The following LAMB4 variants were observed in gnomAD, a reference collection of about 807,000 sequenced individuals.
The protein encoded by LAMB4 is laminin subunit beta-4.
In LAMB4, 196 loss-of-function variants were observed where a neutral mutation model predicts 199.2. That is an observed-to-expected ratio of 0.98 (90% confidence interval 0.88 to 1.11). The LOEUF (loss-of-function observed/expected upper bound fraction) is 1.11. LAMB4 is among the 50% of genes least tolerant of loss of function. The pLI is 0.00. For missense variants in LAMB4, 2,080 were observed against 2,171.2 expected, an observed-to-expected ratio of 0.96 and a Z score of 0.83; for synonymous variants, 744 against 770.6, an observed-to-expected ratio of 0.97 and a Z score of 0.57.
chr7:108,031,034 A>T, intron 31 of LAMB4, 55 bp from the exon 32 acceptor site: 1 of 1,526,982 alleles, frequency 6.5e-7, no homozygotes, highest in Non-Finnish European at 9.0e-7. Flanking sequence ...ACAAACAAGA[A>T]GATAAACGAT....
chr7:108,107,856 A>G, intron 5 of LAMB4, 37 bp from the exon 6 acceptor site: 2 of 1,433,430 alleles, frequency 1.4e-6, no homozygotes, highest in Non-Finnish European at 1.9e-6. Context: ...CATTTCACAA[A>G]GGCAGATTTT....
intron 11 of LAMB4, among the ~76,000 whole-genome samples, chr7:108,097,841 AC>A (rs1268644868): frequency 1.3e-5 from 2 of 152,354 alleles, no homozygotes; most frequent in Admixed American, 6.5e-5. Flanking sequence ...AACCAAAAAA[AC>A]TTTTGCAACT....
At position 108,052,266 on chromosome 7, in the gene LAMB4, G is replaced by T; in HGVS notation, c.3756-9C>A. On this transcript the variant is annotated splice_polypyrimidine_tract_variant and intron_variant, in intron 25 of 33. Transcript: ENST00000388781. ...GCTGCATGATTTGTCTTCTATAGAG[G>T]AAATAAGGGTAAATGTAGTTAAGCT... 1 of 1,563,534 alleles carries T rather than the reference G, an allele frequency of 6.4e-7. No individual in the cohort carries two copies. The highest frequency in any genetic ancestry group is 8.7e-7 in the Non-Finnish European group (1 of 1,151,696).
chr7:108,123,503 A>G (rs1263566218), intron 1 of LAMB4, among the ~76,000 whole-genome samples: 2 of 152,208 alleles, frequency 1.3e-5, no homozygotes, highest in Non-Finnish European at 2.9e-5. Context: ...TTATTTAGAA[A>G]CTTTTTCTTC....
chr7:108,056,240 C>T (rs897592565), intron 24 of LAMB4, among the ~76,000 whole-genome samples: 9 of 152,258 alleles, frequency 5.9e-5, no homozygotes, highest in East Asian at 3.9e-4. Context: ...AAATATCAGA[C>T]GTTTTTATTG....
chr7:108,037,378 C>A lies in LAMB4; in HGVS notation c.4679+10G>T. ...TTAGAGCAAGATAAGAATATTAATA[C>A]AGTACTTACTCAGCTGCTTTGGCCT... On this transcript the variant is annotated intron_variant, in intron 30 of 33. Coordinates refer to ENST00000388781, the MANE Select transcript of LAMB4 (RefSeq NM_007356.3). The A allele has an allele frequency of 6.9e-6, 11 of 1,600,900 alleles. No homozygotes were observed. The highest frequency in any genetic ancestry group is 9.4e-6 in the Non-Finnish European group (11 of 1,168,312).
chr7:108,076,078 T>A (rs1205890548), intron 17 of LAMB4: 1 of 152,376 alleles, frequency 6.6e-6, no homozygotes, highest in Non-Finnish European at 1.5e-5. Flanking sequence ...TAAAAATATG[T>A]ATCAAATATA....
In LAMB4 at chr7:108,069,751, C is replaced by T; in HGVS notation, c.2259G>A (p.Arg753=). 6.2e-7 allele frequency: 1 copy of T among 1,613,926 alleles called. No individual in the cohort carries two copies. Among genetic ancestry groups the T allele is most frequent in the Non-Finnish European group, 8.5e-7 (1 of 1,179,834 alleles). The change falls in exon 18 of 34, where the codon AGG becomes AGA. Residue 753 remains arginine (R), a synonymous_variant. Coordinates refer to ENST00000388781, the MANE Select transcript of LAMB4 (RefSeq NM_007356.3). ...GCTTGGCAGACATGCTGATGATCAG[C>T]CTTTCACAGGCACCCGGGAGCACTT... ...GPQVLPGACE[R]LIISMSAKLH... is the part of the protein sequence containing the mutation.
intron 33 of LAMB4, 89 bp from the exon 34 acceptor site, chr7:108,024,267 C>A (rs1323112342): frequency 1.6e-6 from 1 of 632,266 alleles, no homozygotes; most frequent in South Asian, 3.6e-5. Flanking sequence ...GGGATTTATG[C>A]GCCTCTCAAA....
intron 2 of LAMB4, among the ~76,000 whole-genome samples, chr7:108,119,613 G>A (rs1342015519): frequency 1.3e-5 from 2 of 152,150 alleles, no homozygotes; most frequent in Admixed American, 1.3e-4. Flanking sequence ...TAGGAAGGCA[G>A]AGGGGGAGGG....
chr7:108,024,193 TGAAA>T lies in LAMB4; in HGVS notation c.5147-19_5147-16del. 1 of 1,470,778 alleles carries T rather than the reference TGAAA, an allele frequency of 6.8e-7. No individual in the cohort carries two copies. Among genetic ancestry groups the T allele is most frequent in the Non-Finnish European group, 9.3e-7 (1 of 1,078,034 alleles). The allele number at this position is 1,470,778 out of a possible 1,614,324, so 91.1% of individuals were successfully genotyped here. ...CCTTTCTAAATCTGAAAGAAGAAAA[TGAAA>T]GAAATGATATATTTCCATTTAATGG... is the stretch of plus-strand genomic sequence containing the variant. On this transcript the variant is annotated splice_polypyrimidine_tract_variant and intron_variant, in intron 33 of 33. Transcript: ENST00000388781.
chr7:108,121,567 T>G (rs991552571), intron 2 of LAMB4, among the ~76,000 whole-genome samples: 6 of 152,032 alleles, frequency 3.9e-5, no homozygotes, highest in African/African-American at 1.4e-4. Context: ...CTGGCCAACA[T>G]GGTGAAACCC....
At chr7:108,031,369 G>GAAAAAAAAAAAAAAAAAAAAAAAAAAAAA (rs371230419) in intron 31 of LAMB4, among the ~76,000 whole-genome samples, 1 of 81,166 alleles carries the variant, frequency 1.2e-5, no homozygotes, top group South Asian at 4.1e-4. Context: ...AAAAGGAAAA[G>GAAAAAAAAAAAAAAAAAAAAAAAAAAAAA]AAAAAAAAAA....
At chr7:108,053,242 G>T (rs2035880826) in intron 25 of LAMB4, among the ~76,000 whole-genome samples, 1 of 152,202 alleles carries the variant, frequency 6.6e-6, no homozygotes, top group African/African-American at 2.4e-5. Flanking sequence ...TTGAAGCTTG[G>T]AGGAGTTTAG....
intron 11 of LAMB4, among the ~76,000 whole-genome samples, chr7:108,097,588 A>G (rs1310634181): frequency 6.6e-6 from 1 of 152,218 alleles, no homozygotes; most frequent in Non-Finnish European, 1.5e-5. Context: ...GACAGAGACC[A>G]TCTTGGCTAA....
chr7:108,027,234 A>C (rs2034869917), intron 33 of LAMB4, among the ~76,000 whole-genome samples: 1 of 151,768 alleles, frequency 6.6e-6, no homozygotes. Context: ...GGAGGTGTTG[A>C]ATGCAAGATT....
rs112066851 is a variant in LAMB4, at chr7:108,116,043, C to G, written c.153G>C (p.Leu51=). ...TQLMASSTCG[L]SRAQKYCILS... ...GGATGCAGTATTTCTGGGCTCTGCTCAGCCCACAGGTAGAAGAAGCCATAA... is the reference window on the plus strand; with the variant it reads ...GGATGCAGTATTTCTGGGCTCTGCTGAGCCCACAGGTAGAAGAAGCCATAA... The change falls in exon 3 of 34, where the codon CTG becomes CTC. Residue 51 remains leucine, a synonymous_variant. Transcript: ENST00000388781. 1.2e-6 allele frequency: 2 copies of G among 1,614,062 alleles called. No individual in the cohort carries two copies. The highest frequency in any genetic ancestry group is 2.7e-5 in the African/African-American group (2 of 75,048).
Position 108,077,041 on chromosome 7 carries a change from A to T in LAMB4, c.2027T>A (p.Ile676Asn), listed in dbSNP as rs1349859087. The T allele has an allele frequency of 1.2e-6, 2 of 1,613,872 alleles. No homozygotes were observed. The highest frequency in any genetic ancestry group is 2.7e-5 in the African/African-American group (2 of 74,942). The part of the protein sequence containing the change: ...ATRIMLLPTP[I>N]CLEPDVQYSI... Reference sequence around the variant, plus strand: ...ATATTGTACATCTGGTTCTAAACAGATGGGTGTGGGAAGCAGCATGATTCT... The same window carrying T: ...ATATTGTACATCTGGTTCTAAACAGTTGGGTGTGGGAAGCAGCATGATTCT... The change falls in exon 17 of 34, where the codon ATC becomes AAC. Residue 676 changes from isoleucine (I) to asparagine (N), a missense_variant. Physicochemically the swap from Ile to Asn is moderately radical, Grantham distance 149. Coordinates refer to ENST00000388781, the MANE Select transcript of LAMB4 (RefSeq NM_007356.3).
At chr7:108,015,746 G>T in the LAMB4 span, among the ~76,000 whole-genome samples, 1 of 127,256 alleles carries the variant, frequency 7.9e-6, no homozygotes, top group African/African-American at 3.2e-5. Flanking sequence ...AAGTTTTGAA[G>T]ACTTTTTTTT....
Sources: gnomAD v4.1 joint callset for allele counts (sites outside exome capture counted in the v4.1 genomes callset) on GRCh38, gnomAD v4.1.1 for gene constraint, MANE v1.5 for transcripts, NCBI Gene and HGNC (gene_info 2026-07-23, HGNC 2026-07-21) for gene names.